Variants in PHF14 observed in about 807,000 individuals in gnomAD.
The protein encoded by PHF14 is PHD finger protein 14.
Under a neutral mutation model 117.9 loss-of-function variants are expected in PHF14, and 55 were observed. The ratio of observed to expected loss-of-function variants is 0.47; its 90% CI spans 0.38 to 0.58. The LOEUF is 0.58. Ranked by LOEUF, PHF14 falls within the 20% of genes least tolerant of loss-of-function variation. The pLI is 0.00. For missense variants in PHF14, 978 were observed against 1,122.2 expected, an observed-to-expected ratio of 0.87 and a Z score of 1.84; for synonymous variants, 409 against 368.6, an observed-to-expected ratio of 1.11 and a Z score of -1.26.
At chr7:11,028,890 G>T in intron 7 of PHF14, 72 bp downstream of exon 7, 1 of 1,232,886 alleles carries the variant, frequency 8.1e-7, no homozygotes, top group Non-Finnish European at 1.1e-6. Flanking sequence ...CCTATAATAA[G>T]TGTAAATAAT....
At position 11,104,732 on chromosome 7, in the gene PHF14, A is replaced by G. The variant is rs559649481; in HGVS notation, c.2655-6618A>G. 44 of 675,690 alleles carry G rather than the reference A, an allele frequency of 6.5e-5. No homozygotes were observed. In the South Asian group the frequency reaches 2.0e-3, roughly 31 times the overall value. The allele number at this position is 675,690 out of a possible 1,614,324, so 41.9% of individuals were successfully genotyped here. A position where few individuals can be genotyped will look rare whatever the true frequency, so the allele number is the denominator to read the frequency against. On this transcript the variant is annotated intron_variant, in intron 16 of 17. Transcript: ENST00000634607. The stretch of plus-strand genomic sequence containing the variant: ...GGTGACTACCCTATTCCTCTCCTGG[A>G]TCTGCCCTCTGCCCACTTTACTCCC...
chr7:11,078,892 A>G (rs1379710631), intron 16 of PHF14, among the ~76,000 whole-genome samples: 3 of 152,174 alleles, frequency 2.0e-5, no homozygotes, highest in Admixed American at 1.3e-4. Context: ...GAGCTTTTAA[A>G]TGGACTAAAA....
intron 16 of PHF14, among the ~76,000 whole-genome samples, chr7:11,076,123 C>T (rs144035521): frequency 1.3e-4 from 20 of 152,092 alleles, no homozygotes; most frequent in Non-Finnish European, 2.4e-4. Context: ...TGGGCAACAG[C>T]GAGAAAGTTG....
intron 17 of PHF14, among the ~76,000 whole-genome samples, chr7:11,135,404 T>C (rs1018327574): frequency 6.6e-6 from 1 of 152,144 alleles, no homozygotes; most frequent in African/African-American, 2.4e-5. Context: ...GTGAAAAATA[T>C]ATTTGTAAAT....
At chr7:11,009,673 A>C (rs537566659) in intron 4 of PHF14, among the ~76,000 whole-genome samples, 2 of 152,374 alleles carry the variant, frequency 1.3e-5, no homozygotes, top group African/African-American at 4.8e-5. Flanking sequence ...TAAACCCAAC[A>C]GGTATGACAG....
At chr7:11,000,617 G>A (rs1782831564) in intron 4 of PHF14, among the ~76,000 whole-genome samples, 1 of 152,116 alleles carries the variant, frequency 6.6e-6, no homozygotes, top group Non-Finnish European at 1.5e-5. Flanking sequence ...GGGATTACAG[G>A]CGTGAGCCAC....
intron 16 of PHF14, chr7:11,104,756 C>A: frequency 1.6e-6 from 1 of 614,162 alleles, no homozygotes; most frequent in African/African-American, 2.0e-5. Context: ...CACTTTACTC[C>A]CTCCCCCTTC....
Position 10,988,985 on chromosome 7 carries a change from G to C in PHF14, c.901-1718G>C, listed in dbSNP as rs115665709. Among the ~76,000 whole-genome samples, 601 of 152,172 alleles carry C rather than the reference G, an allele frequency of 3.9e-3. 5 individuals are homozygous for C. Among genetic ancestry groups the C allele is most frequent in the African/African-American group, 0.014 (578 of 41,528 alleles). On this transcript the variant is annotated intron_variant, in intron 3 of 17. Transcript: ENST00000634607. ...TGAAAATCTGGGCAGATTTTTGTTT[G>C]CTTACTCTGGTACTGTAAAACCAGA... is the stretch of plus-strand genomic sequence containing the variant.
intron 17 of PHF14, 44 bp from the exon 18 acceptor site, chr7:11,169,372 C>T: frequency 1.1e-6 from 1 of 900,384 alleles, no homozygotes; most frequent in Non-Finnish European, 1.7e-6. Flanking sequence ...CTGATAAATG[C>T]TCTAAAGTTT....
intron 17 of PHF14, among the ~76,000 whole-genome samples, chr7:11,143,097 A>G (rs1788444087): frequency 6.6e-6 from 1 of 152,156 alleles, no homozygotes; most frequent in Non-Finnish European, 1.5e-5. Flanking sequence ...TTGGGTATCT[A>G]TATTTCTTGA....
intron 17 of PHF14, among the ~76,000 whole-genome samples, chr7:11,161,485 C>T (rs1283996890): frequency 4.0e-5 from 6 of 151,538 alleles, no homozygotes; most frequent in African/African-American, 7.3e-5. Context: ...TAGTCATTTA[C>T]GTCTCTGAAA....
chr7:10,981,609 TG>T (rs1562559629), intron 2 of PHF14, among the ~76,000 whole-genome samples: 2 of 152,218 alleles, frequency 1.3e-5, no homozygotes, highest in East Asian at 3.8e-4. Flanking sequence ...ATTTTCAGGA[TG>T]GACTGCTTTA....
intron 5 of PHF14, chr7:11,014,788 A>T (rs1229148392): frequency 1.3e-5 from 2 of 152,180 alleles, no homozygotes; most frequent in African/African-American, 4.8e-5. Context: ...GAGGCAATTA[A>T]TAAGTGGCAC....
chr7:11,131,532 A>G (rs572198874), intron 17 of PHF14, among the ~76,000 whole-genome samples: 1 of 152,026 alleles, frequency 6.6e-6, no homozygotes, highest in South Asian at 2.1e-4. Flanking sequence ...AGTTATTTGT[A>G]TATTTTGAAT....
intron 1 of PHF14, 121 bp downstream of exon 1, chr7:10,974,445 G>A (rs1236533841): frequency 2.4e-6 from 2 of 841,550 alleles, no homozygotes; most frequent in East Asian, 2.7e-5. Flanking sequence ...GTGGACCCTC[G>A]CCCTCCATGG....
At chr7:11,168,275 A>G (rs1186711835) in intron 17 of PHF14, among the ~76,000 whole-genome samples, 2 of 152,178 alleles carry the variant, frequency 1.3e-5, no homozygotes, top group Non-Finnish European at 2.9e-5. Context: ...GATAATATTG[A>G]TAATTTCTCT....
chr7:10,994,694 C>T (rs899784055), intron 4 of PHF14, among the ~76,000 whole-genome samples: 7 of 151,916 alleles, frequency 4.6e-5, no homozygotes, highest in South Asian at 2.1e-4. Context: ...TTTTTAAAGG[C>T]GGCGTGTCCG....
intron 7 of PHF14, among the ~76,000 whole-genome samples, chr7:11,034,968 T>G (rs1177549856): frequency 6.6e-6 from 1 of 152,198 alleles, no homozygotes; most frequent in East Asian, 1.9e-4. Flanking sequence ...TGCATAACTT[T>G]AATATTTAAT....
At position 11,036,705 on chromosome 7, in the gene PHF14, G is replaced by GT. The variant is rs771407368; in HGVS notation, c.1873+18dup. On this transcript the variant is annotated intron_variant, in intron 9 of 17. Coordinates refer to ENST00000634607, the MANE Select transcript of PHF14 (RefSeq NM_001007157.2). ...ATTATTTTGGTCAGTATAGACACTG[G>GT]TACATGCACATTTTCACTGAGAACA... The GT allele has an allele frequency of 1.3e-6, 2 of 1,596,730 alleles. No homozygotes were observed. The highest frequency in any genetic ancestry group is 1.7e-6 in the Non-Finnish European group (2 of 1,168,342).
Sources: gnomAD v4.1 joint callset for allele counts (sites outside exome capture counted in the v4.1 genomes callset) on GRCh38, gnomAD v4.1.1 for gene constraint, MANE v1.5 for transcripts, NCBI Gene and HGNC (gene_info 2026-07-23, HGNC 2026-07-21) for gene names.